CRTAM: variants seen among roughly 807,000 people sequenced by gnomAD.
The protein encoded by CRTAM is cytotoxic and regulatory T cell molecule.
CRTAM carries 44 observed loss-of-function variants against 50.0 expected under a neutral mutation model. That is an observed-to-expected ratio of 0.88 (90% CI 0.69 to 1.13). The LOEUF is 1.13. Among genes scored for constraint, CRTAM ranks in the 50% most tolerant of loss-of-function variants. The pLI is 0.00. For synonymous variants in CRTAM, 159 were observed against 169.3 expected (o/e 0.94, Z 0.47); for missense variants, 448 against 457.5 (o/e 0.98, Z 0.19).
chr11:122,866,954 C>T (rs1862183542), intron 7 of CRTAM, among the ~76,000 whole-genome samples: 1 of 152,074 alleles, frequency 6.6e-6, no homozygotes, highest in African/African-American at 2.4e-5. Flanking sequence ...CAAATGCCTT[C>T]CTGTAGGGCC....
chr11:122,870,173 C>A (rs183109991), intron 9 of CRTAM, among the ~76,000 whole-genome samples: 5 of 152,224 alleles, frequency 3.3e-5, no homozygotes, highest in Admixed American at 3.3e-4. Context: ...CTTGACCTTT[C>A]GAGCTCAATC....
intron 7 of CRTAM, among the ~76,000 whole-genome samples, chr11:122,866,826 G>T (rs1009955273): frequency 6.6e-6 from 1 of 151,776 alleles, no homozygotes; most frequent in Admixed American, 6.6e-5. Context: ...GCCCAGGCTG[G>T]TCTCAAACTC....
intron 4 of CRTAM, 138 bp downstream of exon 4, chr11:122,854,224 T>C (rs1175684908): frequency 2.5e-6 from 2 of 793,208 alleles, no homozygotes; most frequent in East Asian, 5.5e-5. Flanking sequence ...TCCAGACAAG[T>C]TATTCTTACA....
intron 5 of CRTAM, among the ~76,000 whole-genome samples, chr11:122,859,154 A>G (rs966015380): frequency 6.6e-6 from 1 of 152,090 alleles, no homozygotes; most frequent in Non-Finnish European, 1.5e-5. Flanking sequence ...TTATTTTTTG[A>G]GATGAGTGCA....
chr11:122,843,012 A>AT (rs1040008183), intron 1 of CRTAM, among the ~76,000 whole-genome samples: 13 of 152,308 alleles, frequency 8.5e-5, no homozygotes, highest in African/African-American at 3.1e-4. Context: ...AGGAAAGAAT[A>AT]TTTTATTCTT....
intron 2 of CRTAM, among the ~76,000 whole-genome samples, chr11:122,850,549 A>G (rs987198405): frequency 6.6e-6 from 1 of 152,172 alleles, no homozygotes; most frequent in African/African-American, 2.4e-5. Context: ...ACAGGCAACC[A>G]ACTGACTGGG....
chr11:122,861,740 C>T (rs908344529), intron 5 of CRTAM, among the ~76,000 whole-genome samples: 1 of 151,922 alleles, frequency 6.6e-6, no homozygotes, highest in South Asian at 2.1e-4. Flanking sequence ...TGTGCCCACC[C>T]GACATGTCAG....
rs748217702 is a variant in CRTAM at position 122,855,701 on chromosome 11, C to A, written c.497C>A (p.Thr166Lys). Residue 166 changes from threonine (T) to lysine (K), a missense_variant, in exon 5 of 10, where the codon ACG becomes AAG. Thr to Lys is a moderately conservative substitution (Grantham distance 78). Coordinates refer to ENST00000227348, the MANE Select transcript of CRTAM (RefSeq NM_019604.4). ...TCTTCAAATTGCTACATAGGTGGAACGCTCCATGAATTTGAAACTGATGGG... is the reference window on the plus strand; with the variant it reads ...TCTTCAAATTGCTACATAGGTGGAAAGCTCCATGAATTTGAAACTGATGGG... ...LGNSMEVSGG[T>K]LHEFETDGKK... 6 of 1,613,740 alleles carry A rather than the reference C, an allele frequency of 3.7e-6. No individual in the cohort carries two copies. Among genetic ancestry groups the A allele is most frequent in the Non-Finnish European group, 5.1e-6 (6 of 1,179,854 alleles).
intron 4 of CRTAM, among the ~76,000 whole-genome samples, chr11:122,854,873 CTAAT>C (rs1861984945): frequency 6.6e-6 from 1 of 152,068 alleles, no homozygotes; most frequent in Non-Finnish European, 1.5e-5. Flanking sequence ...AACAGAATAA[CTAAT>C]TAATTATGGT....
At chr11:122,866,367 T>A (rs1030940050) in intron 7 of CRTAM, among the ~76,000 whole-genome samples, 11 of 152,168 alleles carry the variant, frequency 7.2e-5, no homozygotes, top group African/African-American at 2.4e-4. Flanking sequence ...CTGAACACAC[T>A]ATGATATAAA....
At chr11:122,844,685 G>A (rs748538617) in intron 1 of CRTAM, among the ~76,000 whole-genome samples, 19 of 152,288 alleles carry the variant, frequency 1.2e-4, no homozygotes, top group South Asian at 6.2e-4. Flanking sequence ...AAACATAGCC[G>A]TTGTCCTCTA....
At chr11:122,854,724 C>A (rs1471096124) in intron 4 of CRTAM, among the ~76,000 whole-genome samples, 2 of 150,392 alleles carry the variant, frequency 1.3e-5, no homozygotes, top group African/African-American at 2.4e-5. Context: ...GATATAAAAT[C>A]GAAAATATAT....
In CRTAM at chr11:122,850,988, G is replaced by A. The variant is rs115743130; in HGVS notation, c.194-705G>A. On this transcript the variant is annotated intron_variant, in intron 2 of 9. Coordinates refer to ENST00000227348, the MANE Select transcript of CRTAM (RefSeq NM_019604.4). ...TTAAAGCATATCATGCTGGCTGGGC[G>A]TGGTGGCTCATGCCTGTAATCCCAG... is the stretch of plus-strand genomic sequence containing the variant. 4.5e-3 allele frequency among the ~76,000 whole-genome samples: 690 copies of A among 152,330 alleles called. 4 individuals carry two copies. The highest frequency in any genetic ancestry group is 0.015 in the African/African-American group (641 of 41,572).
intron 1 of CRTAM, among the ~76,000 whole-genome samples, chr11:122,839,673 A>G (rs189580605): frequency 1.3e-5 from 2 of 152,270 alleles, no homozygotes; most frequent in East Asian, 3.9e-4. Flanking sequence ...TTACAATTGT[A>G]TCAGATTCAT....
chr11:122,869,176 G>A (rs1862221587), intron 9 of CRTAM, among the ~76,000 whole-genome samples: 2 of 152,146 alleles, frequency 1.3e-5, no homozygotes, highest in African/African-American at 4.8e-5. Context: ...CTTTTGGGAA[G>A]CCATCCTTGA....
At chr11:122,846,540 C>T (rs764382606) in intron 1 of CRTAM, among the ~76,000 whole-genome samples, 16 of 152,232 alleles carry the variant, frequency 1.1e-4, no homozygotes, top group South Asian at 6.2e-4. Flanking sequence ...CTGCTCACTT[C>T]GGCCTCCCAA....
intron 3 of CRTAM, 40 bp from the exon 4 acceptor site, chr11:122,853,903 C>G (rs971154122): frequency 2.5e-6 from 4 of 1,591,412 alleles, no homozygotes; most frequent in Non-Finnish European, 3.4e-6. Flanking sequence ...GATATGCAGA[C>G]TCATATCTAA....
chr11:122,846,467 C>T (rs1565287650), intron 1 of CRTAM, among the ~76,000 whole-genome samples: 1 of 152,018 alleles, frequency 6.6e-6, no homozygotes, highest in Admixed American at 6.6e-5. Context: ...ACCACCACGC[C>T]AGGCTAATTT....
intron 1 of CRTAM, among the ~76,000 whole-genome samples, chr11:122,844,355 AC>A (rs1861836042): frequency 6.6e-6 from 1 of 152,218 alleles, no homozygotes; most frequent in Non-Finnish European, 1.5e-5. Context: ...CTCCCATCTT[AC>A]CCAATGCAGG....
Sources: allele counts gnomAD v4.1 joint callset (sites outside exome capture counted in the v4.1 genomes callset), GRCh38; gene constraint gnomAD v4.1.1; transcripts MANE v1.5; gene names NCBI Gene and HGNC (gene_info 2026-07-23, HGNC 2026-07-21).